The following PPP2R2C variants were observed in gnomAD, a reference collection of about 807,000 sequenced individuals.
PPP2R2C encodes protein phosphatase 2 regulatory subunit Bgamma, also known as protein phosphatase 2, regulatory subunit B, gamma.
Under a neutral mutation model 45.3 loss-of-function variants are expected in PPP2R2C, and 10 were observed. The observed-to-expected ratio is 0.22, with a 90% CI of 0.14 to 0.37. The LOEUF is 0.37. Among genes scored for constraint, PPP2R2C ranks in the 10% least tolerant of loss-of-function variants. PPP2R2C has a pLI of 1.00. For missense variants in PPP2R2C, 308 were observed against 619.7 expected, an observed-to-expected ratio of 0.50 and a Z score of 5.34; for synonymous variants, 257 against 245.4, an observed-to-expected ratio of 1.05 and a Z score of -0.44.
At chr4:6,419,968 C>A (rs946978986) in intron 1 of PPP2R2C, among the ~76,000 whole-genome samples, 1 of 152,160 alleles carries the variant, frequency 6.6e-6, no homozygotes. Context: ...ACACAAGAAC[C>A]CTATTTCCAA....
chr4:6,372,034 G>T (rs530178860), intron 5 of PPP2R2C, among the ~76,000 whole-genome samples: 1 of 152,178 alleles, frequency 6.6e-6, no homozygotes, highest in Non-Finnish European at 1.5e-5. Context: ...ACCGAGCAGG[G>T]GGCCCTCAGG....
intron 5 of PPP2R2C, among the ~76,000 whole-genome samples, chr4:6,363,443 G>A (rs1270900360): frequency 6.6e-6 from 1 of 152,070 alleles, no homozygotes; most frequent in Non-Finnish European, 1.5e-5. Context: ...GCCGGGCGTG[G>A]TGGCGGGCAC....
chr4:6,559,942 T>C (rs1292337597), intron 1 of PPP2R2C, among the ~76,000 whole-genome samples: 3 of 152,252 alleles, frequency 2.0e-5, no homozygotes, highest in Admixed American at 6.5e-5. Flanking sequence ...CATGTGCTAA[T>C]CAGATTTCAG....
At chr4:6,482,851 T>G (rs1722402625) in intron 2 of PPP2R2C, among the ~76,000 whole-genome samples, 1 of 152,214 alleles carries the variant, frequency 6.6e-6, no homozygotes, top group Non-Finnish European at 1.5e-5. Flanking sequence ...CTATCAGGTT[T>G]TGATAGATGC....
intron 1 of PPP2R2C, among the ~76,000 whole-genome samples, chr4:6,433,294 G>A (rs1046029239): frequency 3.9e-5 from 6 of 152,130 alleles, no homozygotes; most frequent in Non-Finnish European, 8.8e-5. Context: ...GGAACAGAGG[G>A]GCTGCTTGGA....
chr4:6,400,731 C>T (rs1389768716), intron 1 of PPP2R2C, among the ~76,000 whole-genome samples: 2 of 152,216 alleles, frequency 1.3e-5, no homozygotes, highest in African/African-American at 2.4e-5. Context: ...TGTTCTAAGG[C>T]TTATGCCATT....
At chr4:6,498,717 C>A (rs1485298274) in intron 2 of PPP2R2C, among the ~76,000 whole-genome samples, 1 of 152,096 alleles carries the variant, frequency 6.6e-6, no homozygotes, top group Non-Finnish European at 1.5e-5. Context: ...GCAAACCCAC[C>A]CACTGAGCCC....
At chr4:6,501,253 G>A (rs1027125183) in intron 2 of PPP2R2C, among the ~76,000 whole-genome samples, 2 of 152,174 alleles carry the variant, frequency 1.3e-5, no homozygotes, top group Admixed American at 1.3e-4. Context: ...AACAGATGAG[G>A]CAATCACCCA....
At chr4:6,477,854 C>T (rs570950101) in intron 2 of PPP2R2C, among the ~76,000 whole-genome samples, 3 of 152,024 alleles carry the variant, frequency 2.0e-5, no homozygotes, top group Non-Finnish European at 4.4e-5. Flanking sequence ...CCAGCCCTGT[C>T]GACATGCACT....
At chr4:6,533,123 C>G (rs1724461618) in intron 2 of PPP2R2C, among the ~76,000 whole-genome samples, 1 of 152,168 alleles carries the variant, frequency 6.6e-6, no homozygotes, top group Admixed American at 6.5e-5. Flanking sequence ...AGAAAGCTTC[C>G]TATTTCTAAA....
At chr4:6,351,082 G>C in intron 5 of PPP2R2C, 1 of 940,306 alleles carries the variant, frequency 1.1e-6, no homozygotes, top group Non-Finnish European at 1.3e-6. Context: ...AGGCGAGCAG[G>C]TCACCTGAGC....
chr4:6,551,177 C>T (rs993443246), intron 1 of PPP2R2C, among the ~76,000 whole-genome samples: 4 of 152,212 alleles, frequency 2.6e-5, no homozygotes, highest in Non-Finnish European at 5.9e-5. Context: ...GGATAAGAAA[C>T]ATACCTGCCT....
At chr4:6,435,881 A>G (rs1198901358) in intron 1 of PPP2R2C, among the ~76,000 whole-genome samples, 3 of 152,174 alleles carry the variant, frequency 2.0e-5, no homozygotes, top group African/African-American at 7.2e-5. Context: ...AGATCTGGGA[A>G]GGCTCCCACA....
At chr4:6,425,898 G>C (rs1052654968) in intron 1 of PPP2R2C, among the ~76,000 whole-genome samples, 4 of 152,134 alleles carry the variant, frequency 2.6e-5, no homozygotes, top group Non-Finnish European at 5.9e-5. Flanking sequence ...TGGTGTATGT[G>C]TGTGCATGCA....
intron 1 of PPP2R2C, among the ~76,000 whole-genome samples, chr4:6,417,630 T>G (rs1718681054): frequency 6.6e-6 from 1 of 152,228 alleles, no homozygotes; most frequent in South Asian, 2.1e-4. Flanking sequence ...CATGTTCTCC[T>G]GCTGAGGCTT....
At chr4:6,511,568 T>C (rs1468320438) in intron 2 of PPP2R2C, among the ~76,000 whole-genome samples, 2 of 76,376 alleles carry the variant, frequency 2.6e-5, no homozygotes, top group Non-Finnish European at 2.7e-5. Context: ...GTGGTGGTGG[T>C]GGTGATGGCG....
chr4:6,397,598 G>A (rs1213568653), intron 1 of PPP2R2C, among the ~76,000 whole-genome samples: 1 of 94,398 alleles, frequency 1.1e-5, no homozygotes, highest in East Asian at 9.5e-4. Flanking sequence ...TACCAGGAAT[G>A]GTTGGAACCC....
intron 1 of PPP2R2C, among the ~76,000 whole-genome samples, chr4:6,539,614 A>C (rs1319045941): frequency 6.6e-6 from 1 of 152,152 alleles, no homozygotes; most frequent in African/African-American, 2.4e-5. Context: ...AAAATCTACC[A>C]TTCTGAAAGT....
intron 1 of PPP2R2C, among the ~76,000 whole-genome samples, chr4:6,464,415 C>T (rs963645119): frequency 1.5e-4 from 23 of 152,154 alleles, no homozygotes; most frequent in African/African-American, 5.1e-4. Context: ...AGCTAGGTCC[C>T]GCAGTGGCAC....
Sources: gnomAD v4.1 joint callset for allele counts (sites outside exome capture counted in the v4.1 genomes callset) on GRCh38, gnomAD v4.1.1 for gene constraint, MANE v1.5 for transcripts, NCBI Gene and HGNC (gene_info 2026-07-23, HGNC 2026-07-21) for gene names.